Variants in RALA observed in about 807,000 individuals in gnomAD.
RALA encodes ras-related protein Ral-A.
In RALA, 5 loss-of-function variants were observed where a neutral mutation model predicts 24.0. The ratio of observed to expected loss-of-function variants is 0.21; its 90% CI spans 0.11 to 0.44. RALA has a LOEUF of 0.44. Among genes scored for constraint, RALA ranks in the 20% least tolerant of loss-of-function variants. RALA has a pLI of 0.99. For missense variants in RALA, 95 were observed against 241.2 expected, an observed-to-expected ratio of 0.39 and a Z score of 4.01; for synonymous variants, 77 against 83.8, an observed-to-expected ratio of 0.92 and a Z score of 0.44.
At chr7:39,655,776 T>G (rs1057052463) in intron 1 of RALA, among the ~76,000 whole-genome samples, 1 of 152,222 alleles carries the variant, frequency 6.6e-6, no homozygotes, top group African/African-American at 2.4e-5. Flanking sequence ...TGTTTCACTT[T>G]GCTTATTATA....
chr7:39,639,785 G>A (rs1245023618), intron 1 of RALA, among the ~76,000 whole-genome samples: 2 of 152,082 alleles, frequency 1.3e-5, no homozygotes, highest in East Asian at 1.9e-4. Flanking sequence ...GAACCAGGCT[G>A]GAACCAGCCT....
intron 2 of RALA, 29 bp from the exon 3 acceptor site, chr7:39,690,353 A>T (rs1792793957): frequency 6.4e-7 from 1 of 1,556,038 alleles, no homozygotes; most frequent in Non-Finnish European, 8.8e-7. Context: ...GTAATAATTA[A>T]AAAATTGGTG....
chr7:39,664,350 C>T (rs1303352696), intron 1 of RALA, among the ~76,000 whole-genome samples: 1 of 152,150 alleles, frequency 6.6e-6, no homozygotes, highest in Non-Finnish European at 1.5e-5. Flanking sequence ...TTCTGGATTG[C>T]TTTCATCAAT....
chr7:39,660,236 G>A (rs1247607550), intron 1 of RALA, among the ~76,000 whole-genome samples: 1 of 151,642 alleles, frequency 6.6e-6, no homozygotes, highest in African/African-American at 2.4e-5. Context: ...GTCCCAGCTA[G>A]TTGGGAGGCT....
At chr7:39,647,263 G>A (rs903067525) in intron 1 of RALA, among the ~76,000 whole-genome samples, 1 of 152,076 alleles carries the variant, frequency 6.6e-6, no homozygotes, top group Non-Finnish European at 1.5e-5. Context: ...GGCTGGTCTC[G>A]AACTCCTGCG....
At chr7:39,632,481 T>C (rs1041954271) in intron 1 of RALA, among the ~76,000 whole-genome samples, 1 of 152,226 alleles carries the variant, frequency 6.6e-6, no homozygotes, top group Admixed American at 6.5e-5. Flanking sequence ...GTATATACCT[T>C]ACAAGGGTTG....
rs568636055 is a variant in RALA, at chr7:39,633,946, A to G, written c.-38+10121A>G. ...TCTAATTTATCCAGAAAGTTCAAGT[A>G]GCGTATTTTCTGTAGATTCTTATAA... is the stretch of plus-strand genomic sequence containing the variant. On this transcript the variant is annotated intron_variant, in intron 1 of 4. Transcript: ENST00000005257. Among the ~76,000 whole-genome samples the G allele has an allele frequency of 3.6e-4, 55 of 152,272 alleles. No individual in the cohort carries two copies. The South Asian group carries it at 0.011, about 29-fold the overall frequency.
At chr7:39,650,047 G>A (rs920366554) in intron 1 of RALA, among the ~76,000 whole-genome samples, 1 of 152,134 alleles carries the variant, frequency 6.6e-6, no homozygotes, top group African/African-American at 2.4e-5. Context: ...AAATGAAGTA[G>A]GGTTGAGAGT....
chr7:39,697,273 G>A, intron 4 of RALA: 2 of 411,560 alleles, frequency 4.9e-6, no homozygotes, highest in South Asian at 3.5e-5. Flanking sequence ...AGATGAAGAA[G>A]CCCCCAGATA....
In RALA at chr7:39,679,085, T is replaced by TC. The variant is rs397819530; in HGVS notation, c.-37-7544dup. Among the ~76,000 whole-genome samples the TC allele has an allele frequency of 6.4e-4, 97 of 151,856 alleles. 2 individuals are homozygous for TC. In the South Asian group the frequency reaches 0.02, roughly 32 times the overall value. ...GTTGTTCTGTATCTTTTTTTTTTTT[T>TC]CCACTTTAGCTCTGTGTTGGAGTTC... On this transcript the variant is annotated intron_variant, in intron 1 of 4. Coordinates refer to ENST00000005257, the MANE Select transcript of RALA (RefSeq NM_005402.4).
chr7:39,681,607 A>G (rs1401383322), intron 1 of RALA, among the ~76,000 whole-genome samples: 1 of 152,046 alleles, frequency 6.6e-6, no homozygotes, highest in African/African-American at 2.4e-5. Flanking sequence ...TAAGTCAGCC[A>G]GCCTCAGTGA....
intron 1 of RALA, among the ~76,000 whole-genome samples, chr7:39,627,943 T>TA (rs779002090): frequency 6.6e-6 from 1 of 151,588 alleles, no homozygotes; most frequent in Non-Finnish European, 1.5e-5. Context: ...GCTCCTTACC[T>TA]AACTCTCTTT....
chr7:39,690,685 CT>C, intron 3 of RALA, 95 bp downstream of exon 3: 1 of 946,052 alleles, frequency 1.1e-6, no homozygotes, highest in Non-Finnish European at 1.6e-6. Flanking sequence ...ACTTGTTAGT[CT>C]TTTACTCTGT....
intron 1 of RALA, among the ~76,000 whole-genome samples, chr7:39,635,549 C>T (rs1791672691): frequency 6.6e-6 from 1 of 152,186 alleles, no homozygotes; most frequent in African/African-American, 2.4e-5. Context: ...TATTTTCTCT[C>T]TCTACAGCAG....
At chr7:39,665,099 A>G (rs936037574) in intron 1 of RALA, among the ~76,000 whole-genome samples, 1 of 152,148 alleles carries the variant, frequency 6.6e-6, no homozygotes, top group African/African-American at 2.4e-5. Flanking sequence ...GTCTAATTAC[A>G]ATGCATTTCT....
rs567055020 is a variant in RALA at position 39,694,678 on chromosome 7, C to T, written c.324-2007C>T. ...GGTGGTGGTATTTAGGAAACATTGTCTAAGAAGCACAGAATAGAATAATCT... is the reference window on the plus strand; with the variant it reads ...GGTGGTGGTATTTAGGAAACATTGTTTAAGAAGCACAGAATAGAATAATCT... On this transcript the variant is annotated intron_variant, in intron 3 of 4. Transcript: ENST00000005257. Among the ~76,000 whole-genome samples the T allele has an allele frequency of 1.2e-4, 18 of 152,146 alleles. No homozygotes were observed. The South Asian group carries it at 3.7e-3, about 32-fold the overall frequency.
chr7:39,686,665 A>G lies in RALA; in HGVS notation c.-3A>G. On this transcript the variant is annotated 5_prime_UTR_variant, in exon 2 of 5. Transcript: ENST00000005257. ...AATCCTTTGGTGAAAACTGAGACAC[A>G]AAATGGCTGCAAATAAGCCCAAGGG... 1 of 1,611,680 alleles carries G rather than the reference A, an allele frequency of 6.2e-7. No individual in the cohort carries two copies. Among genetic ancestry groups the G allele is most frequent in the South Asian group, 1.1e-5 (1 of 91,020 alleles).
At chr7:39,682,833 G>C (rs1792630217) in intron 1 of RALA, among the ~76,000 whole-genome samples, 1 of 152,034 alleles carries the variant, frequency 6.6e-6, no homozygotes, top group Admixed American at 6.6e-5. Flanking sequence ...TTTAGTAGAT[G>C]TGGGGTTTCA....
chr7:39,702,451 C>T (rs1247557028), intron 4 of RALA, among the ~76,000 whole-genome samples: 2 of 152,132 alleles, frequency 1.3e-5, no homozygotes, highest in African/African-American at 2.4e-5. Context: ...TATGACAAAT[C>T]CTACAGCTCT....
Sources: gnomAD v4.1 joint callset for allele counts (sites outside exome capture counted in the v4.1 genomes callset) on GRCh38, gnomAD v4.1.1 for gene constraint, MANE v1.5 for transcripts, NCBI Gene and HGNC (gene_info 2026-07-23, HGNC 2026-07-21) for gene names.